TPST2: variants seen among roughly 807,000 people sequenced by gnomAD.
TPST2 encodes protein-tyrosine sulfotransferase 2.
Under a neutral mutation model 27.8 loss-of-function variants are expected in TPST2, and 16 were observed. The observed-to-expected ratio is 0.58, with a 90% CI of 0.39 to 0.88. TPST2 has a LOEUF of 0.88. TPST2 is among the 40% of genes least tolerant of loss of function. TPST2 has a pLI of 0.00. For missense variants in TPST2, 464 were observed against 543.1 expected, an observed-to-expected ratio of 0.85 and a Z score of 1.45; for synonymous variants, 229 against 231.7, an observed-to-expected ratio of 0.99 and a Z score of 0.10.
intron 1 of TPST2, among the ~76,000 whole-genome samples, chr22:26,558,120 TACACACACACACAC>T (rs71192941): frequency 0.065 from 9,152 of 141,390 alleles, 387 homozygotes; most frequent in South Asian, 0.09. Flanking sequence ...ATATATATAA[TACACACACACACAC>T]ACACACACAC....
intron 1 of TPST2, among the ~76,000 whole-genome samples, chr22:26,553,060 C>CAAAA (rs3037016): frequency 2.3e-5 from 1 of 43,172 alleles, no homozygotes; most frequent in African/African-American, 1.0e-4. Context: ...AACTCCATCT[C>CAAAA]AAAAAAAAAA....
At chr22:26,582,696 C>T (rs991533917) in intron 1 of TPST2, among the ~76,000 whole-genome samples, 2 of 152,118 alleles carry the variant, frequency 1.3e-5, no homozygotes, top group African/African-American at 4.8e-5. Context: ...TAGTGGAAGA[C>T]GTCACTCAGT....
At chr22:26,569,964 A>C in intron 1 of TPST2, among the ~76,000 whole-genome samples, 1 of 74,228 alleles carries the variant, frequency 1.3e-5, no homozygotes, top group Non-Finnish European at 2.4e-5. Context: ...AAAAAAAAAA[A>C]AAAGGAAGAA....
At chr22:26,534,371 T>A (rs1054212076) in intron 4 of TPST2, among the ~76,000 whole-genome samples, 21 of 152,174 alleles carry the variant, frequency 1.4e-4, no homozygotes, top group African/African-American at 4.1e-4. Context: ...ATCTAGCACT[T>A]GCCAAGACTT....
At chr22:26,537,912 C>T (rs1925565652) in intron 3 of TPST2, among the ~76,000 whole-genome samples, 1 of 152,136 alleles carries the variant, frequency 6.6e-6, no homozygotes, top group South Asian at 2.1e-4. Context: ...AGCTATGTAG[C>T]CTTCCTCCAT....
Position 26,590,119 on chromosome 22 carries a change from G to C in TPST2, c.-227C>G, listed in dbSNP as rs925137082. On this transcript the variant is annotated 5_prime_UTR_variant, in exon 1 of 7. Transcript: ENST00000338754. Reference sequence around the variant, plus strand: ...TCCCGGCTCTCCAGCCGCCCCAGCCGGGGAAGGGGGAGGTGCCCGCGCGGG... The same window carrying C: ...TCCCGGCTCTCCAGCCGCCCCAGCCCGGGAAGGGGGAGGTGCCCGCGCGGG... 6.6e-6 allele frequency: 1 copy of C among 151,998 alleles called. No homozygotes were observed. The highest frequency in any genetic ancestry group is 1.5e-5 in the Non-Finnish European group (1 of 68,026). The allele number at this position is 151,998 out of a possible 1,614,324, so 9.4% of individuals were successfully genotyped here. A position where few individuals can be genotyped will look rare whatever the true frequency, so the allele number is the denominator to read the frequency against.
At chr22:26,529,081 G>A (rs565942650) in intron 5 of TPST2, among the ~76,000 whole-genome samples, 2 of 152,276 alleles carry the variant, frequency 1.3e-5, no homozygotes, top group African/African-American at 4.8e-5. Flanking sequence ...TCAGGATTAG[G>A]GGAAGGGGTC....
chr22:26,589,938 G>C (rs2145948981), intron 1 of TPST2, 115 bp downstream of exon 1: 1 of 152,038 alleles, frequency 6.6e-6, no homozygotes, highest in East Asian at 1.9e-4. Context: ...GCCGGGCCCG[G>C]AGGCAGCCGC....
chr22:26,553,940 C>T (rs1021887145), intron 1 of TPST2, among the ~76,000 whole-genome samples: 1 of 152,020 alleles, frequency 6.6e-6, no homozygotes, highest in South Asian at 2.1e-4. Context: ...CCATTTTTTC[C>T]CGAATATTTT....
At chr22:26,576,339 G>A (rs1465178799) in intron 1 of TPST2, among the ~76,000 whole-genome samples, 1 of 152,172 alleles carries the variant, frequency 6.6e-6, no homozygotes, top group Non-Finnish European at 1.5e-5. Flanking sequence ...AAAGCCCCAA[G>A]TCAGATCTAC....
chr22:26,540,982 C>G lies in TPST2; in HGVS notation c.649G>C (p.Ala217Pro), dbSNP rs1286268253. ...CACTGGGCGTACATCACCTCGATGGCCTTGTTCCACTTGGTGAGGCAGTCA... is the reference window on the plus strand; with the variant it reads ...CACTGGGCGTACATCACCTCGATGGGCTTGTTCCACTTGGTGAGGCAGTCA... The part of the protein sequence containing the change: ...YRDCLTKWNK[A>P]IEVMYAQCME... Residue 217 changes from alanine (A) to proline (P), a missense_variant, in exon 3 of 7, where the codon GCC becomes CCC. Coordinates refer to ENST00000338754, the MANE Select transcript of TPST2 (RefSeq NM_003595.5). 1 of 1,614,198 alleles carries G rather than the reference C, an allele frequency of 6.2e-7. No individual in the cohort carries two copies. The highest frequency in any genetic ancestry group is 8.5e-7 in the Non-Finnish European group (1 of 1,180,050).
At chr22:26,551,888 T>TTC (rs1555931153) in intron 1 of TPST2, among the ~76,000 whole-genome samples, 1 of 125,432 alleles carries the variant, frequency 8.0e-6, no homozygotes, top group Non-Finnish European at 1.6e-5. Context: ...TTTTTCTTTT[T>TTC]TTTTTTTTTT....
chr22:26,557,358 T>C (rs3788406), intron 1 of TPST2, among the ~76,000 whole-genome samples: 32,650 of 152,210 alleles, frequency 0.21, 4,186 homozygotes, highest in Non-Finnish European at 0.29. Flanking sequence ...GGGCCTGAGT[T>C]TCCTCATCTG....
chr22:26,530,115 C>T (rs927691989), intron 5 of TPST2, among the ~76,000 whole-genome samples: 1 of 152,138 alleles, frequency 6.6e-6, no homozygotes, highest in African/African-American at 2.4e-5. Flanking sequence ...CATTTTTGCA[C>T]GTTGCCTTCG....
chr22:26,530,799 C>T (rs1019287032), intron 5 of TPST2, among the ~76,000 whole-genome samples: 1 of 152,044 alleles, frequency 6.6e-6, no homozygotes, highest in African/African-American at 2.4e-5. Context: ...CACTTGAGGT[C>T]AGGAGTTCGA....
chr22:26,561,126 G>T (rs973602538), intron 1 of TPST2: 16 of 1,608,250 alleles, frequency 9.9e-6, no homozygotes, highest in African/African-American at 1.3e-5. Flanking sequence ...GGAGGAGGAA[G>T]ATGAAGAAGA....
intron 1 of TPST2, among the ~76,000 whole-genome samples, chr22:26,569,732 C>T (rs1184114312): frequency 6.6e-6 from 1 of 151,720 alleles, no homozygotes; most frequent in Non-Finnish European, 1.5e-5. Context: ...GGAGGATCAC[C>T]TGAGGTCAGG....
chr22:26,550,760 T>C, intron 1 of TPST2: 2 of 656,868 alleles, frequency 3.0e-6, no homozygotes, highest in Non-Finnish European at 3.8e-6. Flanking sequence ...CTCAACCTTC[T>C]GCAGAGCTGG....
At chr22:26,564,110 C>T (rs1927261859) in intron 1 of TPST2, among the ~76,000 whole-genome samples, 1 of 152,188 alleles carries the variant, frequency 6.6e-6, no homozygotes, top group Non-Finnish European at 1.5e-5. Flanking sequence ...TCCCATTTTC[C>T]AACTATGGAG....
Sources: allele counts gnomAD v4.1 joint callset (sites outside exome capture counted in the v4.1 genomes callset), GRCh38; gene constraint gnomAD v4.1.1; transcripts MANE v1.5; gene names NCBI Gene and HGNC (gene_info 2026-07-23, HGNC 2026-07-21).